LZTS1: variants seen among roughly 807,000 people sequenced by gnomAD.
LZTS1 encodes leucine zipper tumor suppressor 1, also known as leucine zipper putative tumor suppressor 1.
Under a neutral mutation model 45.8 loss-of-function variants are expected in LZTS1, and 31 were observed. That is an observed-to-expected ratio of 0.68 (90% CI 0.51 to 0.91). The LOEUF is 0.91. Ranked by LOEUF, LZTS1 falls within the 40% of genes least tolerant of loss-of-function variation. The pLI, the probability that LZTS1 is intolerant of heterozygous loss-of-function variation, is 0.00. For missense variants in LZTS1, 821 were observed against 788.9 expected, an observed-to-expected ratio of 1.04 and a Z score of -0.49; for synonymous variants, 359 against 357.3, an observed-to-expected ratio of 1.00 and a Z score of -0.05.
intron 1 of LZTS1, among the ~76,000 whole-genome samples, chr8:20,296,246 G>T (rs1401876662): frequency 1.3e-5 from 2 of 152,248 alleles, no homozygotes; most frequent in African/African-American, 4.8e-5. Context: ...GATGGCCTCA[G>T]CCACCTGAGA....
chr8:20,275,551 A>C (rs1372503233), intron 1 of LZTS1, among the ~76,000 whole-genome samples: 2 of 152,030 alleles, frequency 1.3e-5, no homozygotes, highest in Non-Finnish European at 2.9e-5. Context: ...CTAAGAAGGC[A>C]TAGGTGAGGG....
chr8:20,300,818 A>G (rs888250597), intron 1 of LZTS1, among the ~76,000 whole-genome samples: 7 of 152,056 alleles, frequency 4.6e-5, no homozygotes, highest in Non-Finnish European at 1.0e-4. Context: ...GTTGATCCCT[A>G]TGGTTAAAAC....
chr8:20,251,933 A>G (rs1186888004), intron 3 of LZTS1, among the ~76,000 whole-genome samples: 3 of 152,104 alleles, frequency 2.0e-5, no homozygotes, highest in South Asian at 2.1e-4. Context: ...AAGTTAAACC[A>G]CTGGTTGTTG....
intron 1 of LZTS1, among the ~76,000 whole-genome samples, chr8:20,274,483 T>C (rs1280904562): frequency 6.6e-6 from 1 of 152,142 alleles, no homozygotes; most frequent in Admixed American, 6.5e-5. Flanking sequence ...GGCTTCTCCA[T>C]GTGGGCACTC....
intron 1 of LZTS1, among the ~76,000 whole-genome samples, chr8:20,258,961 T>A (rs112653752): frequency 2.0e-5 from 3 of 152,122 alleles, no homozygotes; most frequent in Non-Finnish European, 4.4e-5. Flanking sequence ...TGTGTTTTCA[T>A]CCCCCTAGGT....
intron 1 of LZTS1, among the ~76,000 whole-genome samples, chr8:20,284,006 CTCTT>C (rs1378694403): frequency 6.6e-6 from 1 of 152,180 alleles, no homozygotes; most frequent in Non-Finnish European, 1.5e-5. Context: ...GCTCCAACCC[CTCTT>C]TCTTGATGGT....
At chr8:20,281,882 A>G (rs1325477428) in intron 1 of LZTS1, among the ~76,000 whole-genome samples, 1 of 152,224 alleles carries the variant, frequency 6.6e-6, no homozygotes, top group Non-Finnish European at 1.5e-5. Flanking sequence ...GAAAAAATAA[A>G]TGGACTAATA....
intron 1 of LZTS1, among the ~76,000 whole-genome samples, chr8:20,270,387 C>T (rs77292687): frequency 1.3e-5 from 2 of 152,364 alleles, no homozygotes; most frequent in South Asian, 4.1e-4. Flanking sequence ...GTCCCCCACC[C>T]TGCACCCCAG....
rs1037265305 is a variant in LZTS1 at position 20,284,210 on chromosome 8, G to A, written c.-135+19530C>T. On this transcript the variant is annotated intron_variant, in intron 1 of 3. Coordinates refer to ENST00000381569, the MANE Select transcript of LZTS1 (RefSeq NM_021020.5). ...TCTGGCTGGATCAGCAAACAAACAC[G>A]CTTTGAGAAGAGAGAAAGGATTGTT... Among the ~76,000 whole-genome samples, 6 of 152,184 alleles carry A rather than the reference G, an allele frequency of 3.9e-5. No homozygotes were observed. The East Asian group carries it at 1.2e-3, about 29-fold the overall frequency.
At chr8:20,264,533 G>C (rs972053254) in intron 1 of LZTS1, among the ~76,000 whole-genome samples, 1 of 152,188 alleles carries the variant, frequency 6.6e-6, no homozygotes, top group Admixed American at 6.5e-5. Flanking sequence ...TGTTACCCTG[G>C]GGGAGGGGAG....
At chr8:20,261,235 A>G (rs922717723) in intron 1 of LZTS1, among the ~76,000 whole-genome samples, 2 of 152,192 alleles carry the variant, frequency 1.3e-5, no homozygotes, top group Non-Finnish European at 1.5e-5. Flanking sequence ...CACACTCCAC[A>G]TGGCATGCTA....
intron 1 of LZTS1, among the ~76,000 whole-genome samples, chr8:20,282,056 A>C (rs12675554): frequency 0.35 from 53,003 of 151,822 alleles, 9,326 homozygotes; most frequent in Middle Eastern, 0.41. Flanking sequence ...GAGTACTGCA[A>C]TCCCACCACC....
At chr8:20,302,295 T>C (rs561642678) in intron 1 of LZTS1, among the ~76,000 whole-genome samples, 1 of 152,302 alleles carries the variant, frequency 6.6e-6, no homozygotes, top group African/African-American at 2.4e-5. Flanking sequence ...TTAGCCTGCA[T>C]GCTCTCTGCC....
chr8:20,293,813 G>A (rs940528112), intron 1 of LZTS1, among the ~76,000 whole-genome samples: 1 of 152,030 alleles, frequency 6.6e-6, no homozygotes, highest in Non-Finnish European at 1.5e-5. Flanking sequence ...ACCCACCTGT[G>A]GTCCCAGCTA....
chr8:20,273,486 TTC>T (rs1800516165), intron 1 of LZTS1, among the ~76,000 whole-genome samples: 1 of 152,182 alleles, frequency 6.6e-6, no homozygotes, highest in Non-Finnish European at 1.5e-5. Flanking sequence ...GAATTCTTCA[TTC>T]TCTCTTGCTT....
intron 1 of LZTS1, among the ~76,000 whole-genome samples, chr8:20,255,562 C>G (rs776493959): frequency 6.6e-6 from 1 of 152,196 alleles, no homozygotes; most frequent in Non-Finnish European, 1.5e-5. Context: ...GTCACAGTCC[C>G]TGCATTCCTG....
chr8:20,252,909 T>A lies in LZTS1; in HGVS notation c.1022A>T (p.Glu341Val). 1.2e-6 allele frequency: 2 copies of A among 1,610,332 alleles called. No individual in the cohort carries two copies. Among genetic ancestry groups the A allele is most frequent in the African/African-American group, 2.7e-5 (2 of 75,018 alleles). ...GAGCTCCTGCCGGAGCTGCCGCTTC[T>A]CCTGCTGAAGCTGCAGTACCTGCAG... ...LHLQVLQLQQEKRQLRQELES... is the reference protein window; with the variant it reads ...LHLQVLQLQQVKRQLRQELES... Residue 341 changes from glutamate (E) to valine (V), a missense_variant, in exon 3 of 4, where the codon GAG becomes GTG. Glu to Val is a moderately radical substitution (Grantham distance 121). Transcript: ENST00000381569.
At chr8:20,273,535 T>G (rs946871834) in intron 1 of LZTS1, among the ~76,000 whole-genome samples, 1 of 152,178 alleles carries the variant, frequency 6.6e-6, no homozygotes, top group African/African-American at 2.4e-5. Context: ...CCCCTCCTTC[T>G]GGAATCCCGG....
At chr8:20,263,057 G>C (rs576362963) in intron 1 of LZTS1, among the ~76,000 whole-genome samples, 1 of 152,184 alleles carries the variant, frequency 6.6e-6, no homozygotes, top group Non-Finnish European at 1.5e-5. Flanking sequence ...AGTCCCCATT[G>C]CTGGTCATTG....
Sources: gnomAD v4.1 joint callset for allele counts (sites outside exome capture counted in the v4.1 genomes callset) on GRCh38, gnomAD v4.1.1 for gene constraint, MANE v1.5 for transcripts, NCBI Gene and HGNC (gene_info 2026-07-23, HGNC 2026-07-21) for gene names.